The following ITPRID2 variants were observed in gnomAD, a reference collection of about 807,000 sequenced individuals.
ITPRID2 encodes the protein ITPR interacting domain containing 2.
In ITPRID2, 60 loss-of-function variants were observed where a neutral mutation model predicts 124.3. The ratio of observed to expected loss-of-function variants is 0.48; its 90% CI spans 0.39 to 0.60. The LOEUF (loss-of-function observed/expected upper bound fraction) is 0.60. Ranked by LOEUF, ITPRID2 falls within the 20% of genes least tolerant of loss-of-function variation. ITPRID2 has a pLI of 0.00. For missense variants in ITPRID2, 1,553 were observed against 1,512.2 expected (o/e 1.03, Z -0.45); for synonymous variants, 521 against 542.9 (o/e 0.96, Z 0.56).
At position 181,891,788 on chromosome 2, in the gene ITPRID2, C is replaced by G. The variant is rs1272825078; in HGVS notation, c.-279C>G. 42 of 236,710 alleles carry G rather than the reference C, an allele frequency of 1.8e-4. 1 individual carries two copies. In the Middle Eastern group the frequency reaches 5.2e-3, roughly 29 times the overall value. 14.7% of individuals were successfully genotyped at this position (236,710 alleles called of 1,614,324 possible). On this transcript the variant is annotated 5_prime_UTR_variant, in exon 1 of 18. Coordinates refer to ENST00000431877, the MANE Select transcript of ITPRID2 (RefSeq NM_001130445.3). ...CAGGCAGGGGGTGGGGAGCAGGGGC[C>G]GGGCGGGCGCTCGGCTCCCAGCCGC...
At position 181,912,763 on chromosome 2, in the gene ITPRID2, T is replaced by C. The variant is rs78717677; in HGVS notation, c.1487-1082T>C. Among the ~76,000 whole-genome samples the C allele has an allele frequency of 9.2e-5, 14 of 152,322 alleles. No homozygotes were observed. The East Asian group carries it at 2.7e-3, about 29-fold the overall frequency. ...ACAGTCTCTCCCATTGTGGTAGTTG[T>C]AGTGTGGATAGAATGTGAACATACT... On this transcript the variant is annotated intron_variant, in intron 9 of 17. Transcript: ENST00000431877.
At position 181,902,816 on chromosome 2, in the gene ITPRID2, A is replaced by T. The variant is rs1692782013; in HGVS notation, c.1413+350A>T. ...AATAGTTAGAAACACAGGCTTTGAA[A>T]TCAAACAGGGCTTTGAGTTTTGTCT... On this transcript the variant is annotated intron_variant, in intron 8 of 17. Transcript: ENST00000431877. This position sits in a 1 kb window ranked among gnomAD's most constrained non-coding sequence, Gnocchi z 4.4. Among the ~76,000 whole-genome samples, 1 of 152,218 alleles carries T rather than the reference A, an allele frequency of 6.6e-6. No individual in the cohort carries two copies. The highest frequency in any genetic ancestry group is 6.5e-5 in the Admixed American group (1 of 15,282).
chr2:181,915,880 C>A lies in ITPRID2; in HGVS notation c.2240C>A (p.Pro747Gln). The A allele has an allele frequency of 5.0e-6, 8 of 1,614,166 alleles. No homozygotes were observed. The highest frequency in any genetic ancestry group is 6.8e-6 in the Non-Finnish European group (8 of 1,180,034). The change falls in exon 11 of 18, where the codon CCA becomes CAA. Residue 747 changes from proline to glutamine, a missense_variant. Physicochemically the swap from Pro to Gln is moderately conservative, Grantham distance 76. Coordinates refer to ENST00000431877, the MANE Select transcript of ITPRID2 (RefSeq NM_001130445.3). ...TCTTTACCAACCACCTTATTGAGCC[C>A]AGTAAGGGTTGTGTCCTCTGTCAAT... ...SQSLPTTLLSPVRVVSSVNVR... is the reference protein window; with the variant it reads ...SQSLPTTLLSQVRVVSSVNVR...
intron 4 of ITPRID2, 105 bp from the exon 5 acceptor site, chr2:181,898,774 GC>G: frequency 1.2e-6 from 1 of 819,804 alleles, no homozygotes; most frequent in African/African-American, 1.7e-5. Flanking sequence ...AATATATTTG[GC>G]ATTTAATTCT....
chr2:181,917,734 G>T (rs1694183150), intron 11 of ITPRID2: 1 of 152,206 alleles, frequency 6.6e-6, no homozygotes, highest in African/African-American at 2.4e-5. Context: ...TCTCTAAACA[G>T]TTGTGTGTTC....
chr2:181,896,795 A>G lies in ITPRID2; in HGVS notation c.308-113A>G, dbSNP rs752455181. On this transcript the variant is annotated intron_variant, in intron 3 of 17. Coordinates refer to ENST00000431877, the MANE Select transcript of ITPRID2 (RefSeq NM_001130445.3). The surrounding 1 kb of genome is among the most constrained non-coding windows in gnomAD (Gnocchi z 4.3). Reference sequence around the variant, plus strand: ...TAATGTCTGAGTACATTCAAGTCTGAAAGATTTTACTGTATAAGATATTTT... The same window carrying G: ...TAATGTCTGAGTACATTCAAGTCTGGAAGATTTTACTGTATAAGATATTTT... 8.8e-6 allele frequency: 7 copies of G among 792,182 alleles called. No individual in the cohort carries two copies. The highest frequency in any genetic ancestry group is 2.3e-4 in the Middle Eastern group (1 of 4,272). 49.1% of individuals were successfully genotyped at this position (792,182 alleles called of 1,614,324 possible).
rs914313786 is a variant in ITPRID2 at position 181,891,976 on chromosome 2, C to A, written c.-91C>A. 3.7e-6 allele frequency: 5 copies of A among 1,352,790 alleles called. No homozygotes were observed. In the East Asian group the frequency reaches 8.1e-5, roughly 22 times the overall value. The allele number at this position is 1,352,790 out of a possible 1,614,324, so 83.8% of individuals were successfully genotyped here. A position where few individuals can be genotyped will look rare whatever the true frequency, so the allele number is the denominator to read the frequency against. On this transcript the variant is annotated 5_prime_UTR_variant, in exon 1 of 18. Coordinates refer to ENST00000431877, the MANE Select transcript of ITPRID2 (RefSeq NM_001130445.3). ...CTTCAGCTCCCCGGGGCCCCCTGCCCGGCCGGGCGCTGACAGCAAGGGCGG... is the reference window on the plus strand; with the variant it reads ...CTTCAGCTCCCCGGGGCCCCCTGCCAGGCCGGGCGCTGACAGCAAGGGCGG...
At position 181,892,341 on chromosome 2, in the gene ITPRID2, G is replaced by A; in HGVS notation, c.211+64G>A. The A allele has an allele frequency of 6.8e-7, 1 of 1,468,954 alleles. No homozygotes were observed. The highest frequency in any genetic ancestry group is 9.1e-7 in the Non-Finnish European group (1 of 1,104,520). 91.0% of individuals were successfully genotyped at this position (1,468,954 alleles called of 1,614,324 possible). A position where few individuals can be genotyped will look rare whatever the true frequency, so the allele number is the denominator to read the frequency against. On this transcript the variant is annotated intron_variant, in intron 1 of 17. Transcript: ENST00000431877. This position sits in a 1 kb window ranked among gnomAD's most constrained non-coding sequence, Gnocchi z 5.2. ...GGCTGGGGAGAGTCTCGTGCGCCCT[G>A]GGCGCCTGCCACGAGTTCTGGGAGA... is the stretch of plus-strand genomic sequence containing the variant.
intron 17 of ITPRID2, among the ~76,000 whole-genome samples, chr2:181,928,634 T>C (rs1423476317): frequency 1.3e-5 from 2 of 152,040 alleles, no homozygotes; most frequent in Non-Finnish European, 2.9e-5. Flanking sequence ...ACTTCCTTTT[T>C]TTTTTTTTTG....
At chr2:181,923,172 A>G (rs1694609648) in intron 16 of ITPRID2, among the ~76,000 whole-genome samples, 2 of 152,234 alleles carry the variant, frequency 1.3e-5, no homozygotes, top group Non-Finnish European at 1.5e-5. Flanking sequence ...AGTTGAGAAA[A>G]TTAGTAAAAT....
At chr2:181,914,941 CTA>C (rs755154247) in intron 10 of ITPRID2, among the ~76,000 whole-genome samples, 3 of 151,996 alleles carry the variant, frequency 2.0e-5, no homozygotes, top group Non-Finnish European at 2.9e-5. Context: ...TCCATTTTCT[CTA>C]TGAGTCAGTG....
Position 181,892,970 on chromosome 2 carries a change from C to G in ITPRID2, c.257+310C>G. 2.1e-6 allele frequency: 1 copy of G among 472,682 alleles called. No homozygotes were observed. Among genetic ancestry groups the G allele is most frequent in the Non-Finnish European group, 3.8e-6 (1 of 260,606 alleles). The allele number at this position is 472,682 out of a possible 1,614,324, so 29.3% of individuals were successfully genotyped here. On this transcript the variant is annotated intron_variant, in intron 2 of 17. Transcript: ENST00000431877. This position sits in a 1 kb window ranked among gnomAD's most constrained non-coding sequence, Gnocchi z 5.2. ...TGTTCTGTTTTTATTTGAAAGAATT[C>G]TCACATCTCGAACAGGATATTTTGT...
At chr2:181,928,664 C>T (rs969637089) in intron 17 of ITPRID2, among the ~76,000 whole-genome samples, 9 of 150,668 alleles carry the variant, frequency 6.0e-5, no homozygotes, top group Admixed American at 4.6e-4. Flanking sequence ...CTCGCTCTGT[C>T]GCCCAGGCTG....
chr2:181,898,569 C>T (rs544247234), intron 4 of ITPRID2, among the ~76,000 whole-genome samples: 148 of 152,152 alleles, frequency 9.7e-4, no homozygotes, highest in Non-Finnish European at 1.8e-3. Context: ...ATATCTTCCT[C>T]ATTACTTATT....
intron 9 of ITPRID2, among the ~76,000 whole-genome samples, chr2:181,911,146 A>G (rs1693571760): frequency 6.6e-6 from 1 of 152,218 alleles, no homozygotes; most frequent in Admixed American, 6.5e-5. Flanking sequence ...ATAAAGTAAC[A>G]GTAAAATGGT....
Position 181,918,692 on chromosome 2 carries a change from A to G in ITPRID2, c.2865+17A>G. ...CTTTATGAAGTAAGTTCTTTCTTACATCTTTGTGTTCCAAAATAATTTGTA... is the reference window on the plus strand; with the variant it reads ...CTTTATGAAGTAAGTTCTTTCTTACGTCTTTGTGTTCCAAAATAATTTGTA... On this transcript the variant is annotated intron_variant, in intron 12 of 17. Coordinates refer to ENST00000431877, the MANE Select transcript of ITPRID2 (RefSeq NM_001130445.3). The G allele has an allele frequency of 1.2e-6, 2 of 1,613,792 alleles. No individual in the cohort carries two copies. Among genetic ancestry groups the G allele is most frequent in the Non-Finnish European group, 1.7e-6 (2 of 1,179,798 alleles).
chr2:181,915,986 A>C lies in ITPRID2; in HGVS notation c.2346A>C (p.Glu782Asp). 6.2e-7 allele frequency: 1 copy of C among 1,614,166 alleles called. No individual in the cohort carries two copies. Among genetic ancestry groups the C allele is most frequent in the South Asian group, 1.1e-5 (1 of 91,074 alleles). ...TYKYTPEEEQELEKRVMEHDG... is the reference protein window; with the variant it reads ...TYKYTPEEEQDLEKRVMEHDG... ...AGTACACACCTGAAGAGGAGCAGGA[A>C]TTGGAAAAGCGGGTGATGGAACATG... The change falls in exon 11 of 18, where the codon GAA becomes GAC. Residue 782 changes from glutamate (E) to aspartate (D), a missense_variant. Glu to Asp is a conservative substitution (Grantham distance 45). Coordinates refer to ENST00000431877, the MANE Select transcript of ITPRID2 (RefSeq NM_001130445.3).
At chr2:181,928,762 A>T (rs1444815426) in intron 17 of ITPRID2, among the ~76,000 whole-genome samples, 1 of 151,878 alleles carries the variant, frequency 6.6e-6, no homozygotes, top group Non-Finnish European at 1.5e-5. Flanking sequence ...AGTAGCTGGG[A>T]CTACAGGCGC....
At chr2:181,909,797 G>A (rs975542776) in intron 8 of ITPRID2, 102 bp from the exon 9 acceptor site, 3 of 729,492 alleles carry the variant, frequency 4.1e-6, no homozygotes, top group Non-Finnish European at 4.5e-6. Flanking sequence ...ATGTTTTGGT[G>A]CACTTGAGTT....
Sources: gnomAD v4.1 joint callset for allele counts (sites outside exome capture counted in the v4.1 genomes callset) on GRCh38, gnomAD v4.1.1 for gene constraint, Gnocchi (gnomAD v3.1) non-coding constraint, MANE v1.5 for transcripts, NCBI Gene and HGNC (gene_info 2026-07-23, HGNC 2026-07-21) for gene names.